KCNQ1: variants seen among roughly 807,000 people sequenced by gnomAD.
KCNQ1 encodes the protein potassium voltage-gated channel subfamily KQT member 1.
A neutral mutation model predicts 72.4 loss-of-function variants in KCNQ1; 49 were observed. The ratio of observed to expected loss-of-function variants is 0.68; its 90% CI spans 0.54 to 0.86. The LOEUF (loss-of-function observed/expected upper bound fraction) is 0.86. KCNQ1 is among the 40% of genes least tolerant of loss of function. The probability of loss-of-function intolerance (pLI) is 0.00; values close to 1 mark genes in which losing one functional copy is unlikely to be tolerated. For synonymous variants in KCNQ1, 450 were observed against 412.6 expected (o/e 1.09, Z -1.10); for missense variants, 790 against 945.1 (o/e 0.84, Z 2.15).
chr11:2,555,404 C>T (rs1351672410), intron 2 of KCNQ1, among the ~76,000 whole-genome samples: 3 of 152,184 alleles, frequency 2.0e-5, no homozygotes, highest in African/African-American at 4.8e-5. Context: ...AAACTAAATC[C>T]TCGTTTAACT....
At chr11:2,805,917 T>C (rs539521476) in intron 15 of KCNQ1, among the ~76,000 whole-genome samples, 5 of 152,354 alleles carry the variant, frequency 3.3e-5, no homozygotes, top group African/African-American at 9.6e-5. Context: ...ATCAGAGTTA[T>C]GCACAAACAA....
chr11:2,631,267 G>T (rs1589992372), intron 10 of KCNQ1: 3 of 398,286 alleles, frequency 7.5e-6, no homozygotes, highest in Non-Finnish European at 1.3e-5. Context: ...AACTTCCCTT[G>T]TTACCTTTTC....
rs895691956 is a variant in KCNQ1, at chr11:2,661,611, T to C, written c.1394-350T>C. On this transcript the variant is annotated intron_variant, in intron 10 of 15. Transcript: ENST00000155840. The surrounding 1 kb of genome is among the most constrained non-coding windows in gnomAD (Gnocchi z 5.9). ...TTGTCCCTTACCAGGCCTGTGCCTG[T>C]CACCTCTGTTTTATTCTTGACCCAA... 2 of 581,558 alleles carry C rather than the reference T, an allele frequency of 3.4e-6. No homozygotes were observed. The highest frequency in any genetic ancestry group is 6.1e-6 in the Non-Finnish European group (2 of 326,696). The allele number at this position is 581,558 out of a possible 1,614,324, so 36.0% of individuals were successfully genotyped here.
At position 2,664,322 on chromosome 11, in the gene KCNQ1, A is replaced by G. The variant is rs1850023622; in HGVS notation, c.1514+2241A>G. 2 of 398,842 alleles carry G rather than the reference A, an allele frequency of 5.0e-6. No homozygotes were observed. Among genetic ancestry groups the G allele is most frequent in the Middle Eastern group, 6.2e-4 (1 of 1,614 alleles). The allele number at this position is 398,842 out of a possible 1,614,324, so 24.7% of individuals were successfully genotyped here. ...ATTGTGTTCTGGTCAGGGAAGACTCAGGGCTGAGGCTTCAGGGGAGCTGGG... is the reference window on the plus strand; with the variant it reads ...ATTGTGTTCTGGTCAGGGAAGACTCGGGGCTGAGGCTTCAGGGGAGCTGGG... On this transcript the variant is annotated intron_variant, in intron 11 of 15. Transcript: ENST00000155840. This position sits in a 1 kb window ranked among gnomAD's most constrained non-coding sequence, Gnocchi z 5.1.
chr11:2,732,589 G>A (rs1454105447), intron 11 of KCNQ1, among the ~76,000 whole-genome samples: 2 of 152,220 alleles, frequency 1.3e-5, no homozygotes, highest in Admixed American at 6.5e-5. Flanking sequence ...GAAGGGGCCC[G>A]AGGCACCGGT....
Position 2,537,500 on chromosome 11 carries a change from T to A in KCNQ1, c.477+9482T>A, listed in dbSNP as rs1847752297. ...CCCACCGTGCCCCACGTTTCTACAG[T>A]GCCCAGGTTGGCGCAGGGCCTTTTG... is the stretch of plus-strand genomic sequence containing the variant. On this transcript the variant is annotated intron_variant, in intron 2 of 15. Coordinates refer to ENST00000155840, the MANE Select transcript of KCNQ1 (RefSeq NM_000218.3). The surrounding 1 kb of genome is among the most constrained non-coding windows in gnomAD (Gnocchi z 5.2). Among the ~76,000 whole-genome samples the A allele has an allele frequency of 6.6e-6, 1 of 152,056 alleles. No individual in the cohort carries two copies. The highest frequency in any genetic ancestry group is 2.4e-5 in the African/African-American group (1 of 41,316).
intron 1 of KCNQ1, among the ~76,000 whole-genome samples, chr11:2,520,366 G>T (rs1436383904): frequency 6.6e-6 from 1 of 152,202 alleles, no homozygotes; most frequent in Non-Finnish European, 1.5e-5. Flanking sequence ...CTCGGTGTGG[G>T]CCAGGGCTCA....
Position 2,785,310 on chromosome 11 carries a change from C to A in KCNQ1, c.1794+7273C>A, listed in dbSNP as rs1200969550. On this transcript the variant is annotated intron_variant, in intron 15 of 15. Coordinates refer to ENST00000155840, the MANE Select transcript of KCNQ1 (RefSeq NM_000218.3). This position sits in a 1 kb window ranked among gnomAD's most constrained non-coding sequence, Gnocchi z 4.4. Reference sequence around the variant, plus strand: ...AATACATTAATTTTCAGGTGTTAAACCAATCTCACATTTCTGGAATATATC... The same window carrying A: ...AATACATTAATTTTCAGGTGTTAAAACAATCTCACATTTCTGGAATATATC... Among the ~76,000 whole-genome samples the A allele has an allele frequency of 6.6e-6, 1 of 151,800 alleles. No individual in the cohort carries two copies. Among genetic ancestry groups the A allele is most frequent in the African/African-American group, 2.4e-5 (1 of 41,378 alleles).
chr11:2,566,993 G>A lies in KCNQ1; in HGVS notation c.478-3635G>A, dbSNP rs1416952488. Among the ~76,000 whole-genome samples, 1 of 151,310 alleles carries A rather than the reference G, an allele frequency of 6.6e-6. No individual in the cohort carries two copies. Among genetic ancestry groups the A allele is most frequent in the Non-Finnish European group, 1.5e-5 (1 of 67,756 alleles). ...AACCTAGGGGGTGGAGTGGGGGAGG[G>A]AGAGAGCACTCCTGACACAGGGTCC... On this transcript the variant is annotated intron_variant, in intron 2 of 15. Transcript: ENST00000155840. This position sits in a 1 kb window ranked among gnomAD's most constrained non-coding sequence, Gnocchi z 6.7.
In KCNQ1 at chr11:2,462,839, C is replaced by T. The variant is rs1230826815; in HGVS notation, c.386+17355C>T. On this transcript the variant is annotated intron_variant, in intron 1 of 15. Transcript: ENST00000155840. The surrounding 1 kb of genome is among the most constrained non-coding windows in gnomAD (Gnocchi z 8.2). Reference sequence around the variant, plus strand: ...CTTGACCCTCCCTGGGCTGGTGAGTCGGGGCCCAGCCCAGAGTGACAGGGA... The same window carrying T: ...CTTGACCCTCCCTGGGCTGGTGAGTTGGGGCCCAGCCCAGAGTGACAGGGA... 1.3e-5 allele frequency among the ~76,000 whole-genome samples: 2 copies of T among 152,114 alleles called. No individual in the cohort carries two copies. Among genetic ancestry groups the T allele is most frequent in the African/African-American group, 4.8e-5 (2 of 41,396 alleles).
chr11:2,448,893 TGGG>T (rs952657495), intron 1 of KCNQ1, among the ~76,000 whole-genome samples: 33 of 152,248 alleles, frequency 2.2e-4, no homozygotes, highest in East Asian at 1.2e-3. Context: ...TCGTACTAGT[TGGG>T]GGGAACACAG....
chr11:2,825,335 T>G (rs1342220133), intron 15 of KCNQ1, among the ~76,000 whole-genome samples: 1 of 152,176 alleles, frequency 6.6e-6, no homozygotes, highest in Non-Finnish European at 1.5e-5. Context: ...GCCCAGACCT[T>G]CCGAGCCCTC....
rs541149368 is a variant in KCNQ1 at position 2,778,706 on chromosome 11, C to T, written c.1794+669C>T. Among the ~76,000 whole-genome samples the T allele has an allele frequency of 2.1e-4, 32 of 152,344 alleles. No homozygotes were observed. The South Asian group carries it at 4.6e-3, about 22-fold the overall frequency. ...CCTTTGAAGTCTCTGTGGTTTGAAG[C>T]GGGCTGTTATCTTGCCGAACAGCAA... On this transcript the variant is annotated intron_variant, in intron 15 of 15. Coordinates refer to ENST00000155840, the MANE Select transcript of KCNQ1 (RefSeq NM_000218.3).
rs954686169 is a variant in KCNQ1, at chr11:2,735,519, C to T, written c.1515-33325C>T. On this transcript the variant is annotated intron_variant, in intron 11 of 15. Coordinates refer to ENST00000155840, the MANE Select transcript of KCNQ1 (RefSeq NM_000218.3). The surrounding 1 kb of genome is among the most constrained non-coding windows in gnomAD (Gnocchi z 7.7). ...AGTGCCCCTCACCCACCCATCCACA[C>T]CCCGCAGGCATCCTAGGGCCTGGCC... Among the ~76,000 whole-genome samples the T allele has an allele frequency of 6.6e-6, 1 of 152,160 alleles. No homozygotes were observed. The highest frequency in any genetic ancestry group is 1.5e-5 in the Non-Finnish European group (1 of 68,020).
chr11:2,779,518 G>A (rs1846779395), intron 15 of KCNQ1, among the ~76,000 whole-genome samples: 1 of 152,114 alleles, frequency 6.6e-6, no homozygotes, highest in South Asian at 2.1e-4. Flanking sequence ...CAGGAGTGTC[G>A]GTGGCCCTTT....
Position 2,647,734 on chromosome 11 carries a change from G to T in KCNQ1, c.1394-14227G>T, listed in dbSNP as rs1161726170. ...GGTTCAATCTTGGGAGGTTATATAT[G>T]TCCAGGAATTTATCTCTTTCCTCTA... On this transcript the variant is annotated intron_variant, in intron 10 of 15. Coordinates refer to ENST00000155840, the MANE Select transcript of KCNQ1 (RefSeq NM_000218.3). This position sits in a 1 kb window ranked among gnomAD's most constrained non-coding sequence, Gnocchi z 4.0. The T allele has an allele frequency of 5.0e-6, 2 of 398,172 alleles. No individual in the cohort carries two copies. Among genetic ancestry groups the T allele is most frequent in the Non-Finnish European group, 8.8e-6 (2 of 226,012 alleles). 24.7% of individuals were successfully genotyped at this position (398,172 alleles called of 1,614,324 possible).
At chr11:2,774,133 G>C (rs1423498114) in intron 12 of KCNQ1, among the ~76,000 whole-genome samples, 2 of 152,212 alleles carry the variant, frequency 1.3e-5, no homozygotes, top group African/African-American at 2.4e-5. Flanking sequence ...TTACGGAAGA[G>C]AGAGACAGGG....
Position 2,549,312 on chromosome 11 carries a change from C to T in KCNQ1, c.477+21294C>T, listed in dbSNP as rs921662757. On this transcript the variant is annotated intron_variant, in intron 2 of 15. Transcript: ENST00000155840. The surrounding 1 kb of genome is among the most constrained non-coding windows in gnomAD (Gnocchi z 6.2). ...GAAGGAAGACATGTGGGCCAGGGTG[C>T]GGGGTGCGGGACAAACCTGGGTCCA... 7.2e-5 allele frequency among the ~76,000 whole-genome samples: 11 copies of T among 152,130 alleles called. No individual in the cohort carries two copies. Among genetic ancestry groups the T allele is most frequent in the African/African-American group, 2.4e-5 (1 of 41,444 alleles).
intron 10 of KCNQ1, chr11:2,636,574 G>C (rs1391755856): frequency 6.6e-6 from 1 of 152,138 alleles, no homozygotes; most frequent in Admixed American, 6.5e-5. Context: ...ATGTGCTGCT[G>C]GATTCGGTTT....
Sources: allele counts gnomAD v4.1 joint callset (sites outside exome capture counted in the v4.1 genomes callset), GRCh38; gene constraint gnomAD v4.1.1; non-coding constraint Gnocchi (gnomAD v3.1); transcripts MANE v1.5; gene names NCBI Gene and HGNC (gene_info 2026-07-23, HGNC 2026-07-21).